MARCHF1: variants seen among roughly 807,000 people sequenced by gnomAD.
MARCHF1 encodes E3 ubiquitin-protein ligase MARCHF1.
MARCHF1 carries 40 observed loss-of-function variants against 54.2 expected under a neutral mutation model. The observed-to-expected ratio is 0.74, with a 90% CI of 0.57 to 0.96. The LOEUF (loss-of-function observed/expected upper bound fraction) is 0.96. Ranked by LOEUF, MARCHF1 falls within the 40% of genes least tolerant of loss-of-function variation. The pLI, the probability that MARCHF1 is intolerant of heterozygous loss-of-function variation, is 0.00. For synonymous variants in MARCHF1, 236 were observed against 236.3 expected (o/e 1.00, Z 0.01); for missense variants, 586 against 656.5 (o/e 0.89, Z 1.17).
chr4:163,681,589 A>G (rs1744106101), intron 5 of MARCHF1, among the ~76,000 whole-genome samples: 1 of 152,296 alleles, frequency 6.6e-6, no homozygotes, highest in East Asian at 1.9e-4. Context: ...GTGAGTACTC[A>G]TGAGACCTGA....
chr4:164,078,271 C>A (rs1370901964), intron 2 of MARCHF1, among the ~76,000 whole-genome samples: 2 of 152,106 alleles, frequency 1.3e-5, no homozygotes, highest in Non-Finnish European at 2.9e-5. Flanking sequence ...AGCAAACTAA[C>A]ACAAGAACAG....
chr4:163,902,150 A>AT (rs1750955904), intron 3 of MARCHF1, among the ~76,000 whole-genome samples: 1 of 152,214 alleles, frequency 6.6e-6, no homozygotes, highest in Non-Finnish European at 1.5e-5. Context: ...ATATTCTACA[A>AT]TAAGACATTA....
intron 1 of MARCHF1, among the ~76,000 whole-genome samples, chr4:164,268,406 G>A (rs183699129): frequency 1.6e-3 from 247 of 152,202 alleles, no homozygotes; most frequent in Non-Finnish European, 2.2e-3. Flanking sequence ...TATAAAGCAG[G>A]CTTAAGGATT....
chr4:164,294,826 T>G (rs1734371656), intron 1 of MARCHF1, among the ~76,000 whole-genome samples: 1 of 152,192 alleles, frequency 6.6e-6, no homozygotes. Context: ...TGCAATATAT[T>G]GTAATCTATT....
chr4:164,184,402 T>C (rs1730912528), intron 1 of MARCHF1, among the ~76,000 whole-genome samples: 1 of 152,196 alleles, frequency 6.6e-6, no homozygotes, highest in African/African-American at 2.4e-5. Flanking sequence ...TGAATAGTTA[T>C]CCACTTTTAG....
At chr4:163,553,124 A>G (rs957756455) in intron 8 of MARCHF1, among the ~76,000 whole-genome samples, 17 of 151,794 alleles carry the variant, frequency 1.1e-4, no homozygotes, top group Non-Finnish European at 1.5e-5. Context: ...GAGTTATTTT[A>G]ATTCTCTGTG....
chr4:163,713,190 G>T lies in MARCHF1; in HGVS notation c.112-12327C>A, dbSNP rs147879424. ...TATTGGATTAATTATTGGAAAAATAGTAGAAGGTAGGAAAATAAGTGGCCA... is the reference window on the plus strand; with the variant it reads ...TATTGGATTAATTATTGGAAAAATATTAGAAGGTAGGAAAATAAGTGGCCA... On this transcript the variant is annotated intron_variant, in intron 4 of 9. Transcript: ENST00000514618. Among the ~76,000 whole-genome samples the T allele has an allele frequency of 2.0e-5, 3 of 152,070 alleles. No individual in the cohort carries two copies. In the East Asian group the frequency reaches 5.8e-4, roughly 29 times the overall value.
At chr4:164,381,695 TG>T (rs1731374970) in intron 1 of MARCHF1, among the ~76,000 whole-genome samples, 1 of 152,206 alleles carries the variant, frequency 6.6e-6, no homozygotes, top group Non-Finnish European at 1.5e-5. Flanking sequence ...CACCCCATCA[TG>T]TAAGCACGTC....
At chr4:163,713,114 T>A (rs1445032291) in intron 4 of MARCHF1, among the ~76,000 whole-genome samples, 1 of 152,068 alleles carries the variant, frequency 6.6e-6, no homozygotes. Context: ...ACAAAAAAAA[T>A]CAAATTTAAC....
intron 1 of MARCHF1, among the ~76,000 whole-genome samples, chr4:164,335,972 T>C (rs1561007181): frequency 6.6e-6 from 1 of 152,194 alleles, no homozygotes; most frequent in Non-Finnish European, 1.5e-5. Context: ...GAAATATTTC[T>C]CTTTTTTCAC....
intron 2 of MARCHF1, among the ~76,000 whole-genome samples, chr4:164,111,040 C>T (rs1435568320): frequency 6.6e-6 from 1 of 151,710 alleles, no homozygotes; most frequent in African/African-American, 2.4e-5. Flanking sequence ...TATTCTAATC[C>T]ATCTAAATCA....
chr4:163,991,384 A>G (rs1418923104), intron 2 of MARCHF1, among the ~76,000 whole-genome samples: 1 of 152,208 alleles, frequency 6.6e-6, no homozygotes, highest in Non-Finnish European at 1.5e-5. Context: ...CTGAATACAC[A>G]TCAGCTAATA....
intron 1 of MARCHF1, among the ~76,000 whole-genome samples, chr4:164,210,251 G>A (rs948414851): frequency 1.6e-4 from 24 of 152,184 alleles, no homozygotes; most frequent in African/African-American, 5.8e-4. Context: ...CATCTGCGAA[G>A]ATGAGAAAAA....
chr4:163,635,774 A>C (rs1374961739), intron 5 of MARCHF1, among the ~76,000 whole-genome samples: 1 of 152,166 alleles, frequency 6.6e-6, no homozygotes, highest in African/African-American at 2.4e-5. Context: ...TACCAAAGCC[A>C]GGCAGACACA....
At position 164,091,410 on chromosome 4, in the gene MARCHF1, T is replaced by TTTTATATATATATA. The variant is rs145149996; in HGVS notation, c.-248+20177_-248+20178insTATATATATATAAA. On this transcript the variant is annotated intron_variant, in intron 2 of 9. Coordinates refer to ENST00000514618, the MANE Select transcript of MARCHF1 (RefSeq NM_001394959.1). ...AACAGGGGATAATTTTCACCAAGTT[T>TTTTATATATATATA]TATATATATATATATATATGTATAA... Among the ~76,000 whole-genome samples, 444 of 136,892 alleles carry TTTTATATATATATA rather than the reference T, an allele frequency of 3.2e-3. 10 individuals carry two copies. Among genetic ancestry groups the TTTTATATATATATA allele is most frequent in the South Asian group, 0.019 (80 of 4,300 alleles). The allele number at this position is 136,892 out of a possible 152,430, so 89.8% of individuals were successfully genotyped here.
At chr4:164,077,966 A>G (rs1755014337) in intron 2 of MARCHF1, among the ~76,000 whole-genome samples, 1 of 152,248 alleles carries the variant, frequency 6.6e-6, no homozygotes, top group Admixed American at 6.5e-5. Context: ...TGTGGAAGGC[A>G]GTGTGGTGAT....
intron 5 of MARCHF1, among the ~76,000 whole-genome samples, chr4:163,685,838 G>A (rs1305542180): frequency 6.6e-6 from 1 of 152,108 alleles, no homozygotes; most frequent in Non-Finnish European, 1.5e-5. Flanking sequence ...TTACACTTTT[G>A]TGTGTGTCAC....
intron 1 of MARCHF1, among the ~76,000 whole-genome samples, chr4:164,323,341 T>C (rs1298201581): frequency 3.3e-5 from 5 of 151,568 alleles, no homozygotes; most frequent in Non-Finnish European, 7.4e-5. Context: ...TGAGAATAAT[T>C]GAGACATGGC....
chr4:163,806,782 G>T (rs1477680615), intron 4 of MARCHF1, among the ~76,000 whole-genome samples: 1 of 152,086 alleles, frequency 6.6e-6, no homozygotes, highest in Non-Finnish European at 1.5e-5. Flanking sequence ...TCACTTTTAT[G>T]GATCAATAAA....
Sources: allele counts gnomAD v4.1 joint callset (sites outside exome capture counted in the v4.1 genomes callset), GRCh38; gene constraint gnomAD v4.1.1; transcripts MANE v1.5; gene names NCBI Gene and HGNC (gene_info 2026-07-23, HGNC 2026-07-21).